The following PPFIA2 variants were observed in gnomAD, a reference collection of about 807,000 sequenced individuals.
PPFIA2 encodes the protein liprin-alpha-2.
A neutral mutation model predicts 175.5 loss-of-function variants in PPFIA2; 46 were observed. The observed-to-expected ratio is 0.26, with a 90% CI of 0.21 to 0.34. PPFIA2 has a LOEUF of 0.34. PPFIA2 is among the 10% of genes least tolerant of loss of function. PPFIA2 has a pLI of 1.00. For synonymous variants in PPFIA2, 568 were observed against 511.4 expected, an observed-to-expected ratio of 1.11 and a Z score of -1.49; for missense variants, 1,179 against 1,506.1, an observed-to-expected ratio of 0.78 and a Z score of 3.60.
chr12:81,519,473 G>C (rs1417184844), intron 4 of PPFIA2, among the ~76,000 whole-genome samples: 1 of 152,142 alleles, frequency 6.6e-6, no homozygotes, highest in Non-Finnish European at 1.5e-5. Flanking sequence ...TATTTAAACT[G>C]ATTATCTAAT....
chr12:81,691,061 A>G (rs2075182095), intron 3 of PPFIA2, among the ~76,000 whole-genome samples: 1 of 152,158 alleles, frequency 6.6e-6, no homozygotes, highest in South Asian at 2.1e-4. Context: ...CAAAGGTAAC[A>G]TAGCCACATG....
intron 17 of PPFIA2, among the ~76,000 whole-genome samples, chr12:81,349,009 A>T (rs2059562512): frequency 6.6e-6 from 1 of 152,188 alleles, no homozygotes; most frequent in South Asian, 2.1e-4. Context: ...TTTAGAATGG[A>T]GAATGTAATT....
intron 4 of PPFIA2, among the ~76,000 whole-genome samples, chr12:81,522,899 A>G (rs1432127840): frequency 6.6e-6 from 1 of 152,132 alleles, no homozygotes; most frequent in Admixed American, 6.5e-5. Context: ...TGAAATCTCA[A>G]TAGAGGTTTT....
intron 3 of PPFIA2, among the ~76,000 whole-genome samples, chr12:81,753,448 G>T (rs1234928729): frequency 2.0e-5 from 3 of 150,226 alleles, no homozygotes; most frequent in African/African-American, 7.4e-5. Context: ...AAAGAAACCA[G>T]TTAAAGTGTT....
At chr12:81,647,509 C>G (rs1056593361) in intron 4 of PPFIA2, among the ~76,000 whole-genome samples, 1 of 151,834 alleles carries the variant, frequency 6.6e-6, no homozygotes, top group Non-Finnish European at 1.5e-5. Flanking sequence ...CGCCTGTAAT[C>G]CCAGCACTTT....
intron 4 of PPFIA2, among the ~76,000 whole-genome samples, chr12:81,519,029 T>G (rs1357571808): frequency 6.6e-6 from 1 of 152,190 alleles, no homozygotes; most frequent in Non-Finnish European, 1.5e-5. Context: ...GCCAATGATA[T>G]ACAAAATAAA....
intron 4 of PPFIA2, among the ~76,000 whole-genome samples, chr12:81,593,697 G>A (rs1250185313): frequency 6.6e-6 from 1 of 152,300 alleles, no homozygotes. Flanking sequence ...GAGGTAGCAT[G>A]TGAGATAAGT....
intron 28 of PPFIA2, among the ~76,000 whole-genome samples, chr12:81,275,872 C>T (rs1185680302): frequency 6.6e-6 from 1 of 151,516 alleles, no homozygotes; most frequent in Admixed American, 6.6e-5. Context: ...GCAAGCTCTG[C>T]CTCCAGGGTT....
At chr12:81,330,683 GTC>G (rs1383303837) in intron 21 of PPFIA2, among the ~76,000 whole-genome samples, 1 of 152,156 alleles carries the variant, frequency 6.6e-6, no homozygotes, top group African/African-American at 2.4e-5. Context: ...TCCAGCAGAG[GTC>G]TCTGTCATTG....
chr12:81,285,617 A>G lies in PPFIA2; in HGVS notation c.2926-1314T>C, dbSNP rs111405941. On this transcript the variant is annotated intron_variant, in intron 24 of 32. Coordinates refer to ENST00000549396, the MANE Select transcript of PPFIA2 (RefSeq NM_003625.5). ...ATAATGGAGCTGAAAAGTTCCTGTCACCTAGTGATATCAGAGCCATTATAC... is the reference window on the plus strand; with the variant it reads ...ATAATGGAGCTGAAAAGTTCCTGTCGCCTAGTGATATCAGAGCCATTATAC... Among the ~76,000 whole-genome samples the G allele has an allele frequency of 3.7e-3, 565 of 152,176 alleles. 6 individuals are homozygous for G. Among genetic ancestry groups the G allele is most frequent in the African/African-American group, 0.013 (531 of 41,528 alleles).
intron 11 of PPFIA2, among the ~76,000 whole-genome samples, chr12:81,372,331 C>G (rs940140259): frequency 1.3e-5 from 2 of 150,920 alleles, no homozygotes; most frequent in Admixed American, 6.6e-5. Flanking sequence ...AGTAGAAAAA[C>G]GTATATTGGT....
Position 81,259,763 on chromosome 12 carries a change from G to A in PPFIA2, c.*34-103C>T, listed in dbSNP as rs540686423. 8.2e-5 allele frequency: 75 copies of A among 914,694 alleles called. No homozygotes were observed. The South Asian group carries it at 1.2e-3, about 15-fold the overall frequency. The allele number at this position is 914,694 out of a possible 1,614,324, so 56.7% of individuals were successfully genotyped here. A position where few individuals can be genotyped will look rare whatever the true frequency, so the allele number is the denominator to read the frequency against. On this transcript the variant is annotated intron_variant, in intron 32 of 32. Transcript: ENST00000549396. Reference sequence around the variant, plus strand: ...ACCTCCACGCAGCCTGCTTACTCCTGTCCTAGAAGATCATGAGAAGGAAAT... The same window carrying A: ...ACCTCCACGCAGCCTGCTTACTCCTATCCTAGAAGATCATGAGAAGGAAAT...
At chr12:81,326,998 T>C (rs1307382145) in intron 21 of PPFIA2, among the ~76,000 whole-genome samples, 1 of 152,136 alleles carries the variant, frequency 6.6e-6, no homozygotes, top group Non-Finnish European at 1.5e-5. Context: ...GACCAAGATA[T>C]GGTTTCTCTT....
At chr12:81,658,941 A>T (rs1375528715) in intron 4 of PPFIA2, among the ~76,000 whole-genome samples, 1 of 152,176 alleles carries the variant, frequency 6.6e-6, no homozygotes, top group East Asian at 1.9e-4. Context: ...CACTTTAAAT[A>T]ATTTAACCAG....
At chr12:81,334,470 A>G (rs1200337811) in intron 21 of PPFIA2, among the ~76,000 whole-genome samples, 1 of 142,046 alleles carries the variant, frequency 7.0e-6, no homozygotes, top group Non-Finnish European at 1.5e-5. Context: ...TGGATTATCT[A>G]TGTCTTCTCT....
rs1204488192 is a variant in PPFIA2, at chr12:81,758,503, T to G, written c.-106A>C. 1.8e-5 allele frequency: 8 copies of G among 448,614 alleles called. No individual in the cohort carries two copies. The highest frequency in any genetic ancestry group is 9.0e-6 in the Non-Finnish European group (2 of 221,788). The allele number at this position is 448,614 out of a possible 1,614,324, so 27.8% of individuals were successfully genotyped here. On this transcript the variant is annotated 5_prime_UTR_variant, in exon 2 of 33. An upstream start codon of the reference 5' UTR is lost. Coordinates refer to ENST00000549396, the MANE Select transcript of PPFIA2 (RefSeq NM_003625.5). ...GCTCACACCCAGCACTCCTGGACCA[T>G]TTCCCTAGCAACGGGAGGAGAAAGG...
rs963325689 is a variant in PPFIA2 at position 81,743,366 on chromosome 12, G to A, written c.249+10607C>T. On this transcript the variant is annotated intron_variant, in intron 3 of 32. Transcript: ENST00000549396. The stretch of plus-strand genomic sequence containing the variant: ...CGGGAGGTGGAGGTTGCAGTGAGCC[G>A]AGATTGTGCCACTGCACTCCGGGCC... 1.2e-4 allele frequency among the ~76,000 whole-genome samples: 14 copies of A among 120,248 alleles called. No homozygotes were observed. The Admixed American group carries it at 1.4e-3, about 12-fold the overall frequency. 78.9% of individuals were successfully genotyped at this position (120,248 alleles called of 152,430 possible). A position where few individuals can be genotyped will look rare whatever the true frequency, so the allele number is the denominator to read the frequency against.
At chr12:81,495,681 G>A (rs2147216512) in intron 4 of PPFIA2, among the ~76,000 whole-genome samples, 1 of 152,174 alleles carries the variant, frequency 6.6e-6, no homozygotes, top group East Asian at 1.9e-4. Flanking sequence ...TAGGCATGAT[G>A]GTGAGCATCT....
intron 3 of PPFIA2, among the ~76,000 whole-genome samples, chr12:81,752,750 T>C (rs536408897): frequency 2.6e-5 from 4 of 152,274 alleles, no homozygotes; most frequent in African/African-American, 9.6e-5. Context: ...TATAAAGATA[T>C]CTTTGCTACA....
Sources: allele counts gnomAD v4.1 joint callset (sites outside exome capture counted in the v4.1 genomes callset), GRCh38; gene constraint gnomAD v4.1.1; transcripts MANE v1.5; gene names NCBI Gene and HGNC (gene_info 2026-07-23, HGNC 2026-07-21).